PLCXD3: variants seen among roughly 807,000 people sequenced by gnomAD.
PLCXD3 encodes phosphatidylinositol specific phospholipase C X domain containing 3.
Under a neutral mutation model 25.5 loss-of-function variants are expected in PLCXD3, and 19 were observed. That is an observed-to-expected ratio of 0.75 (90% CI 0.52 to 1.09). The LOEUF is 1.09. PLCXD3 is among the 50% of genes least tolerant of loss of function. PLCXD3 has a pLI of 0.00. For missense variants in PLCXD3, 411 were observed against 388.1 expected (o/e 1.06, Z -0.50); for synonymous variants, 174 against 137.6 (o/e 1.26, Z -1.85).
At chr5:41,320,756 A>C (rs1406774188) in intron 2 of PLCXD3, among the ~76,000 whole-genome samples, 2 of 152,212 alleles carry the variant, frequency 1.3e-5, no homozygotes, top group Non-Finnish European at 2.9e-5. Flanking sequence ...TCGGCCTCCC[A>C]AAGTGCTGGG....
intron 1 of PLCXD3, among the ~76,000 whole-genome samples, chr5:41,496,753 T>A (rs1748849031): frequency 6.6e-6 from 1 of 151,300 alleles, no homozygotes; most frequent in African/African-American, 2.4e-5. Context: ...TAGGTAACTA[T>A]GTAACTTAAT....
chr5:41,478,797 G>A (rs538242776), intron 1 of PLCXD3, among the ~76,000 whole-genome samples: 2 of 152,336 alleles, frequency 1.3e-5, no homozygotes, highest in South Asian at 4.1e-4. Context: ...AGGCTGTACA[G>A]GAAGCATGGT....
chr5:41,506,554 C>T (rs1749055607), intron 1 of PLCXD3, among the ~76,000 whole-genome samples: 1 of 152,172 alleles, frequency 6.6e-6, no homozygotes, highest in South Asian at 2.1e-4. Context: ...GTCCCAGATA[C>T]ATCCTAGACA....
intron 1 of PLCXD3, among the ~76,000 whole-genome samples, chr5:41,441,570 C>T (rs1005345779): frequency 6.6e-6 from 1 of 152,126 alleles, no homozygotes; most frequent in Non-Finnish European, 1.5e-5. Flanking sequence ...GAGACTGCTC[C>T]AGAACATCTG....
At chr5:41,470,489 G>A (rs1325718211) in intron 1 of PLCXD3, among the ~76,000 whole-genome samples, 1 of 152,136 alleles carries the variant, frequency 6.6e-6, no homozygotes, top group Non-Finnish European at 1.5e-5. Flanking sequence ...AGATCCACAT[G>A]GCTCTTCCTC....
rs183636639 is a variant in PLCXD3 at position 41,361,380 on chromosome 5, G to A, written c.812+20446C>T. Among the ~76,000 whole-genome samples the A allele has an allele frequency of 9.7e-4, 148 of 152,304 alleles. 1 individual carries two copies. In the Middle Eastern group the frequency reaches 0.01, roughly 11 times the overall value. On this transcript the variant is annotated intron_variant, in intron 2 of 2. Transcript: ENST00000377801. Reference sequence around the variant, plus strand: ...ACCCGCAGTTTTTTGGTGTCTCAGGGAGCCTGCAGTAGTGATCCAGTTTCT... The same window carrying A: ...ACCCGCAGTTTTTTGGTGTCTCAGGAAGCCTGCAGTAGTGATCCAGTTTCT...
At chr5:41,410,569 A>C (rs567657599) in intron 1 of PLCXD3, among the ~76,000 whole-genome samples, 46 of 152,010 alleles carry the variant, frequency 3.0e-4, no homozygotes, top group African/African-American at 1.1e-3. Flanking sequence ...GATTCTTACT[A>C]TTACTGTATG....
chr5:41,491,410 G>T (rs1291380044), intron 1 of PLCXD3, among the ~76,000 whole-genome samples: 4 of 152,208 alleles, frequency 2.6e-5, no homozygotes, highest in Non-Finnish European at 5.9e-5. Context: ...TGTATATTCT[G>T]TTGATTTGAG....
intron 1 of PLCXD3, among the ~76,000 whole-genome samples, chr5:41,467,733 T>C (rs188164250): frequency 3.9e-5 from 6 of 152,320 alleles, no homozygotes; most frequent in African/African-American, 1.4e-4. Context: ...TTGATTTTTG[T>C]ATGTAGTATA....
chr5:41,450,343 C>T (rs921925820), intron 1 of PLCXD3, among the ~76,000 whole-genome samples: 3 of 152,084 alleles, frequency 2.0e-5, no homozygotes, highest in Non-Finnish European at 4.4e-5. Context: ...TCTAAACAAG[C>T]TTCTCTGCTC....
At chr5:41,490,750 A>T (rs1241686828) in intron 1 of PLCXD3, among the ~76,000 whole-genome samples, 6 of 152,148 alleles carry the variant, frequency 3.9e-5, no homozygotes, top group Non-Finnish European at 8.8e-5. Context: ...CTCTGATGGT[A>T]GTTTGTATTT....
At chr5:41,321,730 A>G (rs760046171) in intron 2 of PLCXD3, among the ~76,000 whole-genome samples, 4 of 152,232 alleles carry the variant, frequency 2.6e-5, no homozygotes, top group Non-Finnish European at 5.9e-5. Context: ...AAACAGACAC[A>G]TAGACCAAGA....
chr5:41,458,300 C>T lies in PLCXD3; in HGVS notation c.103+52124G>A, dbSNP rs563100428. Among the ~76,000 whole-genome samples, 4 of 151,834 alleles carry T rather than the reference C, an allele frequency of 2.6e-5. No homozygotes were observed. The South Asian group carries it at 6.2e-4, about 24-fold the overall frequency. On this transcript the variant is annotated intron_variant, in intron 1 of 2. Coordinates refer to ENST00000377801, the MANE Select transcript of PLCXD3 (RefSeq NM_001005473.3). Reference sequence around the variant, plus strand: ...TAGAAGGAATAAAAAACATACTGAACAGCCCAAGAATCTCTAGTAAAAGTG... The same window carrying T: ...TAGAAGGAATAAAAAACATACTGAATAGCCCAAGAATCTCTAGTAAAAGTG...
chr5:41,352,958 T>TTCTCATATGA (rs1420321018), intron 2 of PLCXD3, among the ~76,000 whole-genome samples: 1 of 152,168 alleles, frequency 6.6e-6, no homozygotes, highest in Non-Finnish European at 1.5e-5. Flanking sequence ...TATGACGACT[T>TTCTCATATGA]TCTCATATGA....
At chr5:41,408,787 AT>A (rs1487107051) in intron 1 of PLCXD3, among the ~76,000 whole-genome samples, 1 of 152,164 alleles carries the variant, frequency 6.6e-6, no homozygotes, top group Non-Finnish European at 1.5e-5. Context: ...ACCAAGCTGC[AT>A]TTTCAAATGT....
At chr5:41,327,728 A>G (rs1389557869) in intron 2 of PLCXD3, among the ~76,000 whole-genome samples, 1 of 152,182 alleles carries the variant, frequency 6.6e-6, no homozygotes, top group Admixed American at 6.5e-5. Context: ...ACTTTAGTAT[A>G]GAAGGATGTG....
chr5:41,333,431 A>G (rs1743890849), intron 2 of PLCXD3, among the ~76,000 whole-genome samples: 1 of 152,162 alleles, frequency 6.6e-6, no homozygotes, highest in South Asian at 2.1e-4. Flanking sequence ...TCATACACTG[A>G]AGCATTCAGT....
intron 1 of PLCXD3, among the ~76,000 whole-genome samples, chr5:41,385,541 A>G (rs937430151): frequency 6.6e-6 from 1 of 152,098 alleles, no homozygotes; most frequent in Non-Finnish European, 1.5e-5. Context: ...GTTTCTCCTC[A>G]GTGTGATAAA....
At chr5:41,339,004 C>G (rs1168093442) in intron 2 of PLCXD3, among the ~76,000 whole-genome samples, 1 of 152,026 alleles carries the variant, frequency 6.6e-6, no homozygotes, top group Non-Finnish European at 1.5e-5. Flanking sequence ...GTTAATGTTT[C>G]CCAGTAATTT....
Sources: allele counts gnomAD v4.1 joint callset (sites outside exome capture counted in the v4.1 genomes callset), GRCh38; gene constraint gnomAD v4.1.1; transcripts MANE v1.5; gene names NCBI Gene and HGNC (gene_info 2026-07-23, HGNC 2026-07-21).